TFAP2D: variants seen among roughly 807,000 people sequenced by gnomAD.
The protein encoded by TFAP2D is transcription factor AP-2 delta.
A neutral mutation model predicts 43.6 loss-of-function variants in TFAP2D; 9 were observed. The ratio of observed to expected loss-of-function variants is 0.21; its 90% CI spans 0.12 to 0.36. The LOEUF is 0.36. Among genes scored for constraint, TFAP2D ranks in the 10% least tolerant of loss-of-function variants. The probability of loss-of-function intolerance (pLI) is 1.00; values close to 1 mark genes in which losing one functional copy is unlikely to be tolerated. For missense variants in TFAP2D, 513 were observed against 561.4 expected (o/e 0.91, Z 0.87); for synonymous variants, 256 against 224.9 (o/e 1.14, Z -1.24).
At chr6:50,736,749 T>A (rs1354008130) in intron 5 of TFAP2D, among the ~76,000 whole-genome samples, 1 of 152,112 alleles carries the variant, frequency 6.6e-6, no homozygotes, top group Admixed American at 6.6e-5. Flanking sequence ...TAAACTCCTG[T>A]TCCTACTCAT....
rs1205478132 is a variant in TFAP2D, at chr6:50,714,147, G to A, written c.39+53G>A. On this transcript the variant is annotated intron_variant, in intron 1 of 7. Coordinates refer to ENST00000008391, the MANE Select transcript of TFAP2D (RefSeq NM_172238.4). ...TTTGAGCGCGCGTGTGTGTGGCGGC[G>A]GCGGCGGTGGCGGCGGTGGCGGCGG... 4.6e-6 allele frequency: 7 copies of A among 1,522,792 alleles called. No individual in the cohort carries two copies. In the African/African-American group the frequency reaches 7.1e-5, roughly 16 times the overall value. The allele number at this position is 1,522,792 out of a possible 1,614,324, so 94.3% of individuals were successfully genotyped here.
At chr6:50,768,215 ATTT>A (rs751542249) in intron 7 of TFAP2D, among the ~76,000 whole-genome samples, 1 of 91,194 alleles carries the variant, frequency 1.1e-5, no homozygotes. Flanking sequence ...CCTTAGTCTT[ATTT>A]TTTTTTTTTT....
intron 7 of TFAP2D, among the ~76,000 whole-genome samples, chr6:50,771,258 A>T (rs954970843): frequency 6.6e-6 from 1 of 152,128 alleles, no homozygotes; most frequent in Non-Finnish European, 1.5e-5. Flanking sequence ...GGTTCCTTCT[A>T]ACTTGTTTTG....
At position 50,772,876 on chromosome 6, in the gene TFAP2D, A is replaced by G. The variant is rs1769555697; in HGVS notation, c.*12A>G. On this transcript the variant is annotated 3_prime_UTR_variant, in exon 8 of 8. Transcript: ENST00000008391. ...AAAAGACAGACTAGCTACATCAAAC[A>G]GAATCTATTTCCAGAGAGTCTTGCT... 4 of 1,603,818 alleles carry G rather than the reference A, an allele frequency of 2.5e-6. No individual in the cohort carries two copies. The highest frequency in any genetic ancestry group is 2.6e-6 in the Non-Finnish European group (3 of 1,174,560).
chr6:50,725,606 G>A (rs1768796633), intron 3 of TFAP2D, among the ~76,000 whole-genome samples: 17 of 152,186 alleles, frequency 1.1e-4, no homozygotes, highest in Admixed American at 1.1e-3. Context: ...GGAAGTTCAA[G>A]TAGTAACACT....
At chr6:50,766,326 G>T (rs1369145896) in intron 7 of TFAP2D, among the ~76,000 whole-genome samples, 1 of 152,068 alleles carries the variant, frequency 6.6e-6, no homozygotes, top group African/African-American at 2.4e-5. Context: ...TGTTTCTCAA[G>T]ATTGCTTTGG....
chr6:50,759,490 T>G (rs886361193), intron 7 of TFAP2D, among the ~76,000 whole-genome samples: 5 of 152,082 alleles, frequency 3.3e-5, no homozygotes, highest in African/African-American at 1.2e-4. Context: ...TCATCTCATA[T>G]CTGCTTTTTA....
At chr6:50,752,465 T>C (rs1381393289) in intron 7 of TFAP2D, among the ~76,000 whole-genome samples, 3 of 151,914 alleles carry the variant, frequency 2.0e-5, no homozygotes, top group Non-Finnish European at 2.9e-5. Flanking sequence ...GAAAGACTAA[T>C]ACACATTAAA....
chr6:50,734,392 T>C (rs1325710087), intron 5 of TFAP2D, among the ~76,000 whole-genome samples: 3 of 152,100 alleles, frequency 2.0e-5, no homozygotes, highest in Non-Finnish European at 4.4e-5. Context: ...ATGAGGATAA[T>C]GCCAGCTGTT....
intron 3 of TFAP2D, among the ~76,000 whole-genome samples, chr6:50,722,541 C>T (rs1424249189): frequency 6.6e-6 from 1 of 151,956 alleles, no homozygotes; most frequent in African/African-American, 2.4e-5. Context: ...TTCTGAGGCT[C>T]CCTTATGGCC....
At chr6:50,737,339 A>T (rs1239942333) in intron 5 of TFAP2D, among the ~76,000 whole-genome samples, 1 of 152,186 alleles carries the variant, frequency 6.6e-6, no homozygotes, top group Non-Finnish European at 1.5e-5. Context: ...GTGATGTCTA[A>T]CTTTTATTGA....
At chr6:50,714,635 T>C (rs1768583626) in intron 1 of TFAP2D, among the ~76,000 whole-genome samples, 1 of 152,078 alleles carries the variant, frequency 6.6e-6, no homozygotes, top group Admixed American at 6.5e-5. Context: ...GCCGAACATC[T>C]CGGCATAGAC....
At chr6:50,769,843 G>A (rs977768930) in intron 7 of TFAP2D, among the ~76,000 whole-genome samples, 5 of 152,112 alleles carry the variant, frequency 3.3e-5, no homozygotes, top group Non-Finnish European at 7.3e-5. Flanking sequence ...ATATTATCTA[G>A]TTCTTAGTGT....
At chr6:50,715,010 C>G in intron 1 of TFAP2D, 106 bp from the exon 2 acceptor site, 1 of 1,454,236 alleles carries the variant, frequency 6.9e-7, no homozygotes, top group Non-Finnish European at 9.3e-7. Context: ...GCTCGCTTTC[C>G]TTGGAGTGCC....
rs750262931 is a variant in TFAP2D, at chr6:50,713,869, G to A, written c.-187G>A. Reference sequence around the variant, plus strand: ...GCAGAGGGAAAATTTTGTTCCTACAGGTTTTTAAGTGGGTACGAGGCAAGG... The same window carrying A: ...GCAGAGGGAAAATTTTGTTCCTACAAGTTTTTAAGTGGGTACGAGGCAAGG... On this transcript the variant is annotated 5_prime_UTR_variant, in exon 1 of 8. Transcript: ENST00000008391. The A allele has an allele frequency of 7.3e-6, 6 of 820,832 alleles. No homozygotes were observed. The highest frequency in any genetic ancestry group is 7.0e-4 in the Middle Eastern group (2 of 2,868). 50.8% of individuals were successfully genotyped at this position (820,832 alleles called of 1,614,324 possible). A position where few individuals can be genotyped will look rare whatever the true frequency, so the allele number is the denominator to read the frequency against.
At chr6:50,769,753 A>G (rs1366025298) in intron 7 of TFAP2D, among the ~76,000 whole-genome samples, 3 of 152,336 alleles carry the variant, frequency 2.0e-5, no homozygotes, top group East Asian at 1.9e-4. Context: ...TGGGAGGAAC[A>G]TAAGTACAGA....
At chr6:50,771,893 T>C (rs1055790576) in intron 7 of TFAP2D, among the ~76,000 whole-genome samples, 15 of 152,160 alleles carry the variant, frequency 9.9e-5, no homozygotes, top group Non-Finnish European at 1.8e-4. Context: ...TATTACTGGG[T>C]ATATACCCAA....
At chr6:50,771,653 G>A (rs1248361382) in intron 7 of TFAP2D, among the ~76,000 whole-genome samples, 1 of 152,164 alleles carries the variant, frequency 6.6e-6, no homozygotes, top group East Asian at 1.9e-4. Context: ...TAAATATTTA[G>A]ACTTGGTAAT....
At chr6:50,770,811 T>A (rs1359561085) in intron 7 of TFAP2D, among the ~76,000 whole-genome samples, 1 of 152,168 alleles carries the variant, frequency 6.6e-6, no homozygotes, top group African/African-American at 2.4e-5. Context: ...AAACTACTAA[T>A]GTCATAATAA....
Sources: allele counts gnomAD v4.1 joint callset (sites outside exome capture counted in the v4.1 genomes callset), GRCh38; gene constraint gnomAD v4.1.1; transcripts MANE v1.5; gene names NCBI Gene and HGNC (gene_info 2026-07-23, HGNC 2026-07-21).